Variants in XKR9 observed in about 807,000 individuals in gnomAD.
The protein encoded by XKR9 is XK related 9.
Under a neutral mutation model 32.0 loss-of-function variants are expected in XKR9, and 32 were observed. The observed-to-expected ratio is 1.00, with a 90% CI of 0.76 to 1.34. The LOEUF (loss-of-function observed/expected upper bound fraction) is 1.34. XKR9 is among the 40% of genes most tolerant of loss of function. The pLI, the probability that XKR9 is intolerant of heterozygous loss-of-function variation, is 0.00. For missense variants in XKR9, 546 were observed against 429.7 expected, an observed-to-expected ratio of 1.27 and a Z score of -2.39; for synonymous variants, 168 against 143.4, an observed-to-expected ratio of 1.17 and a Z score of -1.22.
chr8:70,857,353 C>A, the XKR9 span, among the ~76,000 whole-genome samples: 1 of 152,150 alleles, frequency 6.6e-6, no homozygotes, highest in African/African-American at 2.4e-5. Context: ...CACCTCTATG[C>A]AAATAAACTA....
chr8:70,670,267 G>A (rs1368949424), intron 1 of XKR9, among the ~76,000 whole-genome samples: 2 of 151,968 alleles, frequency 1.3e-5, no homozygotes, highest in African/African-American at 4.8e-5. Flanking sequence ...AGCTAGGCTG[G>A]TCTTGTGGAG....
At chr8:70,945,385 A>T in the XKR9 span, among the ~76,000 whole-genome samples, 1 of 152,220 alleles carries the variant, frequency 6.6e-6, no homozygotes, top group Non-Finnish European at 1.5e-5. Context: ...ATTAAATGAG[A>T]AATGAAACTT....
intron 2 of XKR9, among the ~76,000 whole-genome samples, chr8:70,748,500 C>T (rs982287746): frequency 4.6e-5 from 7 of 152,232 alleles, no homozygotes; most frequent in African/African-American, 1.2e-4. Flanking sequence ...ATGCCAGCCC[C>T]CTGCAACCTT....
the XKR9 span, among the ~76,000 whole-genome samples, chr8:71,026,561 A>G: frequency 6.6e-6 from 1 of 152,178 alleles, no homozygotes; most frequent in Admixed American, 6.5e-5. Context: ...AACAATTGCT[A>G]TTGTCGCAGG....
the XKR9 span, among the ~76,000 whole-genome samples, chr8:71,011,070 A>G: frequency 9.4e-4 from 143 of 152,306 alleles, no homozygotes; most frequent in East Asian, 5.8e-4. Flanking sequence ...AAAATGTGTA[A>G]GACGCATGGT....
chr8:70,761,900 A>G (rs559735280), intron 2 of XKR9, among the ~76,000 whole-genome samples: 2 of 150,958 alleles, frequency 1.3e-5, no homozygotes, highest in Admixed American at 1.3e-4. Context: ...TCCAGTTTCA[A>G]TTTTTTTTTG....
At chr8:70,777,805 T>TTTGA (rs1807553629) in intron 2 of XKR9, among the ~76,000 whole-genome samples, 1 of 151,386 alleles carries the variant, frequency 6.6e-6, no homozygotes, top group Non-Finnish European at 1.5e-5. Flanking sequence ...TGATGAGGTT[T>TTTGA]TTTTTTCTTG....
chr8:70,865,319 T>TG, the XKR9 span, among the ~76,000 whole-genome samples: 1 of 151,960 alleles, frequency 6.6e-6, no homozygotes. Context: ...TTCCTGAAGC[T>TG]GAGAGGAACC....
the XKR9 span, among the ~76,000 whole-genome samples, chr8:70,969,458 C>T: frequency 6.6e-6 from 1 of 152,100 alleles, no homozygotes; most frequent in African/African-American, 2.4e-5. Context: ...AAGCCATGGA[C>T]TAAATTAAAA....
chr8:70,721,089 G>T lies in XKR9; in HGVS notation c.494-12707G>T, dbSNP rs571431382. Among the ~76,000 whole-genome samples the T allele has an allele frequency of 3.9e-5, 6 of 152,306 alleles. No individual in the cohort carries two copies. The East Asian group carries it at 1.2e-3, about 29-fold the overall frequency. On this transcript the variant is annotated intron_variant, in intron 4 of 4. Transcript: ENST00000408926. ...CAAGATTTTCTAGTTTATTTGCATA[G>T]AGGTGTTTATAGTATTCTCTGAGGG...
the XKR9 span, among the ~76,000 whole-genome samples, chr8:70,877,479 T>G: frequency 6.6e-6 from 1 of 152,210 alleles, no homozygotes; most frequent in Non-Finnish European, 1.5e-5. Flanking sequence ...TCAAGATCAC[T>G]TGGCTAATAA....
the XKR9 span, among the ~76,000 whole-genome samples, chr8:70,916,154 G>A: frequency 6.6e-6 from 1 of 152,140 alleles, no homozygotes; most frequent in Non-Finnish European, 1.5e-5. Context: ...TTCCTCAAAA[G>A]AATTGTCTAC....
the XKR9 span, among the ~76,000 whole-genome samples, chr8:71,013,734 G>C: frequency 1.3e-5 from 2 of 152,120 alleles, no homozygotes; most frequent in Non-Finnish European, 2.9e-5. Context: ...TGACTGCTTC[G>C]GGGGGTTCAG....
intron 4 of XKR9, among the ~76,000 whole-genome samples, chr8:70,708,752 A>G (rs1033491954): frequency 1.3e-4 from 20 of 152,120 alleles, no homozygotes; most frequent in African/African-American, 2.7e-4. Context: ...CAAATTTTCT[A>G]TAGTAACTAT....
At chr8:70,683,654 AT>A in intron 3 of XKR9, 1 of 383,990 alleles carries the variant, frequency 2.6e-6, no homozygotes, top group South Asian at 1.8e-5. Flanking sequence ...CACTTGGTTA[AT>A]TTTTGTATTT....
intron 2 of XKR9, among the ~76,000 whole-genome samples, chr8:70,776,947 C>CTCTCTCTCTCTCTCTCTATATATATATA: frequency 5.5e-4 from 30 of 54,204 alleles, no homozygotes; most frequent in African/African-American, 1.5e-3. Context: ...CTCTCTCTCT[C>CTCTCTCTCTCTCTCTCTATATATATATA]TATATATATA....
the XKR9 span, among the ~76,000 whole-genome samples, chr8:71,055,427 C>G: frequency 6.6e-6 from 1 of 152,142 alleles, no homozygotes. Context: ...TGTTGCAGAA[C>G]AGCTTCATTC....
chr8:70,791,033 T>C (rs1288082726), downstream of XKR9, among the ~76,000 whole-genome samples: 1 of 152,042 alleles, frequency 6.6e-6, no homozygotes, highest in Non-Finnish European at 1.5e-5. Context: ...AAGATCCTAC[T>C]TCCTAACACC....
At chr8:70,685,924 A>G (rs1367068084) in intron 3 of XKR9, among the ~76,000 whole-genome samples, 1 of 151,076 alleles carries the variant, frequency 6.6e-6, no homozygotes, top group Non-Finnish European at 1.5e-5. Context: ...ATTTAAATAA[A>G]ATTAAATCAA....
Sources: allele counts gnomAD v4.1 joint callset (sites outside exome capture counted in the v4.1 genomes callset), GRCh38; gene constraint gnomAD v4.1.1; transcripts MANE v1.5; gene names NCBI Gene and HGNC (gene_info 2026-07-23, HGNC 2026-07-21).